Variants in HOXA3 observed in about 807,000 individuals in gnomAD.
HOXA3 encodes the protein homeobox A3.
Under a neutral mutation model 30.3 loss-of-function variants are expected in HOXA3, and 8 were observed. That is an observed-to-expected ratio of 0.26 (90% CI 0.15 to 0.48). The LOEUF is 0.48. Ranked by LOEUF, HOXA3 falls within the 20% of genes least tolerant of loss-of-function variation. HOXA3 has a pLI of 0.99. For synonymous variants in HOXA3, 323 were observed against 273.1 expected (o/e 1.18, Z -1.80); for missense variants, 653 against 614.4 (o/e 1.06, Z -0.66).
At chr7:27,145,744 G>A in intron 1 of HOXA3, 2 of 1,614,208 alleles carry the variant, frequency 1.2e-6, no homozygotes, top group African/African-American at 2.7e-5. Flanking sequence ...TTCATGCGGC[G>A]GTTCTGGAAC....
At chr7:27,118,525 T>C (rs1394628156) in intron 4 of HOXA3, among the ~76,000 whole-genome samples, 1 of 152,190 alleles carries the variant, frequency 6.6e-6, no homozygotes, top group Non-Finnish European at 1.5e-5. Context: ...ACCAGCAGTT[T>C]TGAGTTTAAG....
Position 27,142,171 on chromosome 7 carries a change from A to G in HOXA3, c.-493-1985T>C. On this transcript the variant is annotated intron_variant, in intron 1 of 5. Coordinates refer to ENST00000612286, the MANE Select transcript of HOXA3 (RefSeq NM_153631.3). ...GACAAGCTTGGGTCATGAGCAGGGA[A>G]CCCAGGCGAAAAGCTCAACAAGTTC... 2.1e-6 allele frequency: 3 copies of G among 1,463,162 alleles called. No individual in the cohort carries two copies. In the South Asian group the frequency reaches 4.0e-5, roughly 19 times the overall value. The allele number at this position is 1,463,162 out of a possible 1,614,324, so 90.6% of individuals were successfully genotyped here.
intron 2 of HOXA3, chr7:27,128,507 T>C (rs774673816): frequency 6.6e-6 from 1 of 152,272 alleles, no homozygotes; most frequent in Non-Finnish European, 1.5e-5. Context: ...AGAAAACACA[T>C]GAATCTTAGA....
At position 27,107,949 on chromosome 7, in the gene HOXA3, C is replaced by A. The variant is rs1018091605; in HGVS notation, c.1298G>T (p.Arg433Ile). The A allele has an allele frequency of 6.3e-7, 1 of 1,589,648 alleles. No homozygotes were observed. Among genetic ancestry groups the A allele is most frequent in the South Asian group, 1.1e-5 (1 of 90,054 alleles). Residue 433 changes from arginine to isoleucine, a missense_variant, in exon 6 of 6, where the codon AGA becomes ATA. Coordinates refer to ENST00000612286, the MANE Select transcript of HOXA3 (RefSeq NM_153631.3). ...GGTGAGCTTGGGTGCTTCCTGAATT[C>A]TTCCCTGAGAAGGATGGTGGCCGGT... Reference protein sequence around the residue: ...DLTGHHPSQGRIQEAPKLTHL With the variant: ...DLTGHHPSQGIIQEAPKLTHL
intron 2 of HOXA3, among the ~76,000 whole-genome samples, chr7:27,134,747 A>C (rs781759797): frequency 6.6e-6 from 1 of 152,226 alleles, no homozygotes; most frequent in Non-Finnish European, 1.5e-5. Context: ...CACCCTGATT[A>C]CTTCCATGAA....
At position 27,108,633 on chromosome 7, in the gene HOXA3, T is replaced by A; in HGVS notation, c.614A>T (p.Glu205Val). Residue 205 changes from glutamate to valine, a missense_variant, in exon 6 of 6, where the codon GAG becomes GTG. By Grantham distance (121) the Glu-to-Val change is moderately radical. Coordinates refer to ENST00000612286, the MANE Select transcript of HOXA3 (RefSeq NM_153631.3). The surrounding 1 kb of genome is among the most constrained non-coding windows in gnomAD (Gnocchi z 5.0). ...RTAYTSAQLV[E>V]LEKEFHFNRY... Reference sequence around the variant, plus strand: ...GTTGAAGTGGAACTCTTTCTCCAGCTCCACCAGCTGCGCGCTCGTGTAGGC... The same window carrying A: ...GTTGAAGTGGAACTCTTTCTCCAGCACCACCAGCTGCGCGCTCGTGTAGGC... The A allele has an allele frequency of 6.2e-7, 1 of 1,614,064 alleles. No individual in the cohort carries two copies. The highest frequency in any genetic ancestry group is 8.5e-7 in the Non-Finnish European group (1 of 1,179,966).
rs1440107617 is a variant in HOXA3 at position 27,110,611 on chromosome 7, C to T, written c.30G>A (p.Ser10=). 3 of 1,607,112 alleles carry T rather than the reference C, an allele frequency of 1.9e-6. No individual in the cohort carries two copies. Among genetic ancestry groups the T allele is most frequent in the South Asian group, 2.2e-5 (2 of 90,998 alleles). The change falls in exon 5 of 6, where the codon TCG becomes TCA. Residue 10 remains serine, a synonymous_variant. Transcript: ENST00000612286. MQKATYYDS[S]AIYGGYPYQA... ...GGTAGGGGTAGCCACCGTAGATCGC[C>T]GAGCTGTCGTAGTAGGTCGCTTTTT... is the stretch of plus-strand genomic sequence containing the variant.
intron 1 of HOXA3, chr7:27,147,413 G>T (rs1177414634): frequency 1.2e-6 from 2 of 1,614,230 alleles, no homozygotes; most frequent in Non-Finnish European, 1.7e-6. Context: ...CTGCTGTCGG[G>T]TTTGTACTGC....
chr7:27,141,732 G>C, intron 1 of HOXA3: 1 of 1,411,914 alleles, frequency 7.1e-7, no homozygotes, highest in Non-Finnish European at 9.7e-7. Context: ...CGAGAACAGG[G>C]CTTCTTCACA....
chr7:27,143,086 G>C lies in HOXA3; in HGVS notation c.-493-2900C>G. 6 of 1,556,978 alleles carry C rather than the reference G, an allele frequency of 3.9e-6. No individual in the cohort carries two copies. In the East Asian group the frequency reaches 1.2e-4, roughly 30 times the overall value. ...GCTTGCGCATCCAGGGGTAGATCTG[G>C]GGTTGGGCGGGCGGCGCCGGGCTCG... On this transcript the variant is annotated intron_variant, in intron 1 of 5. Coordinates refer to ENST00000612286, the MANE Select transcript of HOXA3 (RefSeq NM_153631.3).
At chr7:27,131,050 G>C (rs928261232) in intron 2 of HOXA3, among the ~76,000 whole-genome samples, 3 of 152,132 alleles carry the variant, frequency 2.0e-5, no homozygotes, top group Admixed American at 6.5e-5. Context: ...CCCCTGGGCT[G>C]GGGGAGGGAG....
chr7:27,120,516 G>A (rs1401876712), intron 4 of HOXA3, among the ~76,000 whole-genome samples: 1 of 144,710 alleles, frequency 6.9e-6, no homozygotes, highest in African/African-American at 2.6e-5. Flanking sequence ...ACTCCAGCCT[G>A]GGACAGAGCG....
At chr7:27,146,878 G>A (rs1490834896) in intron 1 of HOXA3, among the ~76,000 whole-genome samples, 2 of 152,222 alleles carry the variant, frequency 1.3e-5, no homozygotes, top group African/African-American at 2.4e-5. Context: ...TCTCTGTACG[G>A]GTTTCTGAAG....
chr7:27,141,715 A>G, intron 1 of HOXA3: 2 of 1,260,048 alleles, frequency 1.6e-6, no homozygotes, highest in Non-Finnish European at 2.2e-6. Context: ...AAGATGAATT[A>G]GGGCAACGAG....
At chr7:27,120,413 T>C (rs1464031873) in intron 4 of HOXA3, among the ~76,000 whole-genome samples, 1 of 151,768 alleles carries the variant, frequency 6.6e-6, no homozygotes, top group South Asian at 2.1e-4. Flanking sequence ...TGGTGGTGCA[T>C]GCCTGTAATC....
chr7:27,130,602 C>G (rs1785508121), intron 2 of HOXA3: 6 of 1,537,892 alleles, frequency 3.9e-6, no homozygotes, highest in African/African-American at 1.4e-5. Context: ...GCGCTGGGGG[C>G]TGCTGGTAGC....
chr7:27,129,969 C>T, intron 2 of HOXA3: 1 of 870,888 alleles, frequency 1.1e-6, no homozygotes, highest in Non-Finnish European at 1.8e-6. Flanking sequence ...GGCTGGCGCG[C>T]ACATACCCAC....
chr7:27,147,730 T>G, intron 1 of HOXA3: 1 of 1,609,428 alleles, frequency 6.2e-7, no homozygotes, highest in Non-Finnish European at 8.5e-7. Flanking sequence ...GAAAGTGGGA[T>G]TCACAAAATA....
intron 2 of HOXA3, among the ~76,000 whole-genome samples, chr7:27,128,038 T>C (rs1185873957): frequency 6.6e-6 from 1 of 152,196 alleles, no homozygotes; most frequent in Non-Finnish European, 1.5e-5. Context: ...GCACAAACTA[T>C]TTTTTATCTC....
Sources: allele counts gnomAD v4.1 joint callset (sites outside exome capture counted in the v4.1 genomes callset), GRCh38; gene constraint gnomAD v4.1.1; non-coding constraint Gnocchi (gnomAD v3.1); transcripts MANE v1.5; gene names NCBI Gene and HGNC (gene_info 2026-07-23, HGNC 2026-07-21).